KCNIP3: variants seen among roughly 807,000 people sequenced by gnomAD.
The protein encoded by KCNIP3 is potassium voltage-gated channel interacting protein 3.
A neutral mutation model predicts 35.0 loss-of-function variants in KCNIP3; 28 were observed. The ratio of observed to expected loss-of-function variants is 0.80; its 90% CI spans 0.59 to 1.10. The LOEUF is 1.10. Ranked by LOEUF, KCNIP3 falls within the 50% of genes least tolerant of loss-of-function variation. The probability of loss-of-function intolerance (pLI) is 0.00; values close to 1 mark genes in which losing one functional copy is unlikely to be tolerated. For missense variants in KCNIP3, 295 were observed against 338.4 expected, an observed-to-expected ratio of 0.87 and a Z score of 1.01; for synonymous variants, 134 against 133.8, an observed-to-expected ratio of 1.00 and a Z score of -0.01.
At chr2:95,345,072 A>T (rs1394739993) in intron 2 of KCNIP3, among the ~76,000 whole-genome samples, 1 of 152,248 alleles carries the variant, frequency 6.6e-6, no homozygotes, top group Non-Finnish European at 1.5e-5. Context: ...GAATCACCAC[A>T]TCCCAATTAA....
At chr2:95,353,861 G>T (rs190779346) in intron 2 of KCNIP3, among the ~76,000 whole-genome samples, 8 of 152,310 alleles carry the variant, frequency 5.3e-5, no homozygotes, top group Admixed American at 4.6e-4. Context: ...GGGACGTTTG[G>T]CAACGTCGAG....
At chr2:95,347,674 A>G (rs1679411170) in intron 2 of KCNIP3, among the ~76,000 whole-genome samples, 1 of 152,172 alleles carries the variant, frequency 6.6e-6, no homozygotes, top group South Asian at 2.1e-4. Context: ...ACAGACCCAC[A>G]CTTGGATCAG....
chr2:95,305,941 C>T (rs543568375), intron 1 of KCNIP3, among the ~76,000 whole-genome samples: 1 of 152,340 alleles, frequency 6.6e-6, no homozygotes, highest in East Asian at 1.9e-4. Context: ...CCAAGTAAAG[C>T]TGCCATGAAC....
intron 1 of KCNIP3, among the ~76,000 whole-genome samples, chr2:95,309,202 A>G (rs1398663639): frequency 1.3e-5 from 2 of 152,196 alleles, no homozygotes; most frequent in Non-Finnish European, 2.9e-5. Context: ...TAGACCCAGC[A>G]GGTGCACAGA....
In KCNIP3 at chr2:95,374,818, G is replaced by T. The variant is rs200830554; in HGVS notation, c.307-30G>T. The T allele has an allele frequency of 1.7e-5, 28 of 1,610,354 alleles. No homozygotes were observed. The Admixed American group carries it at 4.2e-4, about 24-fold the overall frequency. ...GTCGGGCTTGGAGCTGGGGGTGGCC[G>T]AGGGCTGAGGGGGTGCCTTCCTGCT... On this transcript the variant is annotated intron_variant, in intron 3 of 8. Transcript: ENST00000295225.
chr2:95,320,852 C>T (rs1476004053), intron 2 of KCNIP3, among the ~76,000 whole-genome samples: 1 of 151,642 alleles, frequency 6.6e-6, no homozygotes, highest in East Asian at 1.9e-4. Flanking sequence ...ATGCTCAGCA[C>T]TCCACCCAGC....
chr2:95,300,665 T>C lies in KCNIP3; in HGVS notation c.15+3212T>C, dbSNP rs538570323. ...CTGACTGATGTTGCCTTTGAGCAGG[T>C]GCGTCTGTCATCTGAGATCAGCCCA... is the stretch of plus-strand genomic sequence containing the variant. On this transcript the variant is annotated intron_variant, in intron 1 of 8. Coordinates refer to ENST00000295225, the MANE Select transcript of KCNIP3 (RefSeq NM_013434.5). Among the ~76,000 whole-genome samples, 14 of 152,266 alleles carry C rather than the reference T, an allele frequency of 9.2e-5. No individual in the cohort carries two copies. The East Asian group carries it at 2.7e-3, about 30-fold the overall frequency.
intron 2 of KCNIP3, among the ~76,000 whole-genome samples, chr2:95,316,398 C>G (rs1475706296): frequency 1.3e-5 from 2 of 152,230 alleles, no homozygotes; most frequent in Non-Finnish European, 2.9e-5. Flanking sequence ...CCTGAACTTG[C>G]ATATAACAGA....
chr2:95,347,197 A>G (rs1318784983), intron 2 of KCNIP3: 2 of 1,302,492 alleles, frequency 1.5e-6, no homozygotes, highest in Admixed American at 2.0e-5. Context: ...CAGTACCCGC[A>G]CGCCGGGGTG....
At chr2:95,329,905 C>A (rs1678884004) in intron 2 of KCNIP3, among the ~76,000 whole-genome samples, 1 of 152,244 alleles carries the variant, frequency 6.6e-6, no homozygotes, top group East Asian at 1.9e-4. Flanking sequence ...CAAACGCAAA[C>A]CTGAAAATGC....
intron 2 of KCNIP3, among the ~76,000 whole-genome samples, chr2:95,345,599 G>A (rs1679330554): frequency 6.6e-6 from 1 of 152,270 alleles, no homozygotes; most frequent in South Asian, 2.1e-4. Flanking sequence ...GAGCGGAGCT[G>A]GATTTCTCCC....
intron 7 of KCNIP3, among the ~76,000 whole-genome samples, 178 bp from the exon 8 acceptor site, chr2:95,383,054 G>A (rs1680387034): frequency 6.6e-6 from 1 of 152,146 alleles, no homozygotes; most frequent in Non-Finnish European, 1.5e-5. Flanking sequence ...GCTATGAAGG[G>A]TGGATTATGT....
rs1275324405 is a variant in KCNIP3, at chr2:95,378,855, TAC to T, written c.448-2737_448-2736del. On this transcript the variant is annotated intron_variant, in intron 5 of 8. Transcript: ENST00000295225. The surrounding 1 kb of genome is among the most constrained non-coding windows in gnomAD (Gnocchi z 4.0). ...ACACATATTTATATACACATATATATACACATATATACACACACACACATATA... is the reference window on the plus strand; with the variant it reads ...ACACATATTTATATACACATATATATACATATATACACACACACACATATA... Among the ~76,000 whole-genome samples, 1 of 149,534 alleles carries T rather than the reference TAC, an allele frequency of 6.7e-6. No individual in the cohort carries two copies. Among genetic ancestry groups the T allele is most frequent in the Non-Finnish European group, 1.5e-5 (1 of 67,756 alleles).
At position 95,297,463 on chromosome 2, in the gene KCNIP3, G is replaced by T; in HGVS notation, c.15+10G>T. The T allele has an allele frequency of 6.4e-7, 1 of 1,560,638 alleles. No homozygotes were observed. Among genetic ancestry groups the T allele is most frequent in the East Asian group, 2.4e-5 (1 of 42,544 alleles). ...GATGCAGCCGGCTAAGGTAGGTGCTGGGGGAATGGGGTCTTGCTCTGGAGG... is the reference window on the plus strand; with the variant it reads ...GATGCAGCCGGCTAAGGTAGGTGCTTGGGGAATGGGGTCTTGCTCTGGAGG... On this transcript the variant is annotated intron_variant, in intron 1 of 8. Transcript: ENST00000295225.
chr2:95,325,842 CAT>C (rs1444744507), intron 2 of KCNIP3, among the ~76,000 whole-genome samples: 56 of 60,356 alleles, frequency 9.3e-4, no homozygotes, highest in Admixed American at 6.5e-3. Flanking sequence ...CATACACACT[CAT>C]ACACACATAC....
chr2:95,346,969 G>A (rs373922462), intron 2 of KCNIP3: 321 of 1,414,996 alleles, frequency 2.3e-4, no homozygotes, highest in Admixed American at 4.0e-4. Flanking sequence ...GAGGCAGCGC[G>A]TGGGCGAGGG....
At chr2:95,356,930 T>C (rs1679668948) in intron 2 of KCNIP3, among the ~76,000 whole-genome samples, 1 of 152,184 alleles carries the variant, frequency 6.6e-6, no homozygotes, top group Non-Finnish European at 1.5e-5. Flanking sequence ...CACACTTGGT[T>C]GTGTTGGGCT....
chr2:95,362,112 TC>T (rs1481324289), intron 2 of KCNIP3, among the ~76,000 whole-genome samples: 2 of 151,432 alleles, frequency 1.3e-5, no homozygotes, highest in Admixed American at 6.6e-5. Flanking sequence ...CTTTTTTTTT[TC>T]TTTTTTTTTT....
intron 2 of KCNIP3, among the ~76,000 whole-genome samples, chr2:95,361,116 G>A (rs1160094454): frequency 2.6e-5 from 4 of 152,180 alleles, no homozygotes; most frequent in Non-Finnish European, 5.9e-5. Context: ...GAGCTGGAGC[G>A]CTGATCAATA....
Sources: allele counts gnomAD v4.1 joint callset (sites outside exome capture counted in the v4.1 genomes callset), GRCh38; gene constraint gnomAD v4.1.1; non-coding constraint Gnocchi (gnomAD v3.1); transcripts MANE v1.5; gene names NCBI Gene and HGNC (gene_info 2026-07-23, HGNC 2026-07-21).